Variants in USH2A observed in about 807,000 individuals in gnomAD.
USH2A encodes the protein usherin.
Under a neutral mutation model 538.9 loss-of-function variants are expected in USH2A, and 443 were observed. The observed-to-expected ratio is 0.82, with a 90% CI of 0.76 to 0.89. USH2A has a LOEUF of 0.89. Among genes scored for constraint, USH2A ranks in the 40% least tolerant of loss-of-function variants. The probability of loss-of-function intolerance (pLI) is 0.00; values close to 1 mark genes in which losing one functional copy is unlikely to be tolerated. For synonymous variants in USH2A, 2,413 were observed against 2,273.5 expected (o/e 1.06, Z -1.75); for missense variants, 6,633 against 6,324.8 (o/e 1.05, Z -1.65).
At chr1:215,804,137 G>A (rs1489048407) in intron 49 of USH2A, among the ~76,000 whole-genome samples, 1 of 152,174 alleles carries the variant, frequency 6.6e-6, no homozygotes, top group Non-Finnish European at 1.5e-5. Context: ...ATCAATTCAA[G>A]ATGGATCAAA....
At chr1:215,859,599 G>T (rs1435610904) in intron 44 of USH2A, among the ~76,000 whole-genome samples, 1 of 151,900 alleles carries the variant, frequency 6.6e-6, no homozygotes, top group Non-Finnish European at 1.5e-5. Flanking sequence ...TCATATACAT[G>T]GATTCTGCAC....
chr1:215,641,962 G>A (rs1218126242), intron 67 of USH2A, among the ~76,000 whole-genome samples: 1 of 152,034 alleles, frequency 6.6e-6, no homozygotes, highest in Non-Finnish European at 1.5e-5. Flanking sequence ...ATATCACAAG[G>A]AATACTCTAT....
intron 3 of USH2A, among the ~76,000 whole-genome samples, chr1:216,368,262 A>T (rs1200869934): frequency 6.6e-6 from 1 of 151,556 alleles, no homozygotes; most frequent in Non-Finnish European, 1.5e-5. Flanking sequence ...CTCATGCTAG[A>T]TTAGTGAGAA....
At chr1:215,760,041 A>G (rs1479966421) in intron 56 of USH2A, among the ~76,000 whole-genome samples, 198 bp from the exon 57 acceptor site, 3 of 152,180 alleles carry the variant, frequency 2.0e-5, no homozygotes, top group Non-Finnish European at 2.9e-5. Flanking sequence ...TTGCCTTTGG[A>G]AAGTGAATGT....
intron 61 of USH2A, among the ~76,000 whole-genome samples, chr1:215,697,527 A>G (rs940063230): frequency 3.3e-5 from 5 of 151,498 alleles, no homozygotes; most frequent in Non-Finnish European, 7.4e-5. Flanking sequence ...TTTTATTTAT[A>G]TTTTTTTTGT....
At chr1:215,640,764 A>T (rs1656653446) in intron 67 of USH2A, 30 bp from the exon 68 acceptor site, 2 of 1,611,650 alleles carry the variant, frequency 1.2e-6, no homozygotes, top group Admixed American at 1.7e-5. Flanking sequence ...TGTTCTAAAA[A>T]GGGTAACCTC....
Position 215,780,766 on chromosome 1 carries a change from G to A in USH2A, c.10741-725C>T, listed in dbSNP as rs529382707. ...TCTAGGACTAATAACTTTTGACTGG[G>A]CCAATCAGCTGCCATCTATCTATCT... On this transcript the variant is annotated intron_variant, in intron 54 of 71. Coordinates refer to ENST00000307340, the MANE Select transcript of USH2A (RefSeq NM_206933.4). 1.7e-4 allele frequency among the ~76,000 whole-genome samples: 26 copies of A among 152,310 alleles called. No homozygotes were observed. The South Asian group carries it at 2.9e-3, about 17-fold the overall frequency.
At chr1:215,710,962 A>C (rs1659323122) in intron 61 of USH2A, among the ~76,000 whole-genome samples, 1 of 151,972 alleles carries the variant, frequency 6.6e-6, no homozygotes, top group South Asian at 2.1e-4. Context: ...CAAGGCAAGC[A>C]ATCTACTAAC....
intron 68 of USH2A, among the ~76,000 whole-genome samples, chr1:215,639,568 A>G (rs1003380416): frequency 2.6e-5 from 4 of 152,204 alleles, no homozygotes; most frequent in African/African-American, 9.6e-5. Flanking sequence ...TAAAATTTAC[A>G]GGTGTACTTT....
chr1:216,075,688 A>G (rs960362548), intron 27 of USH2A, among the ~76,000 whole-genome samples: 1 of 152,188 alleles, frequency 6.6e-6, no homozygotes, highest in African/African-American at 2.4e-5. Context: ...AGACCCAGTC[A>G]TGCCCAACCT....
intron 64 of USH2A, among the ~76,000 whole-genome samples, chr1:215,659,340 G>T (rs1240093022): frequency 6.6e-6 from 1 of 152,208 alleles, no homozygotes; most frequent in Non-Finnish European, 1.5e-5. Context: ...AAGAAGGCCA[G>T]TGTGGCTGAC....
At position 216,111,864 on chromosome 1, in the gene USH2A, G is replaced by C. The variant is rs565995498; in HGVS notation, c.4628-14651C>G. 5.9e-5 allele frequency among the ~76,000 whole-genome samples: 9 copies of C among 151,464 alleles called. 1 individual carries two copies. The East Asian group carries it at 1.2e-3, about 20-fold the overall frequency. On this transcript the variant is annotated intron_variant, in intron 21 of 71. Transcript: ENST00000307340. ...GGTTTCATTATCAAATATCCCTTCA[G>C]CTTCATTCCTACTCAATCCAATTGC...
In USH2A at chr1:215,722,796, G is replaced by A. The variant is rs144717161; in HGVS notation, c.12066+5234C>T. 6.6e-4 allele frequency among the ~76,000 whole-genome samples: 100 copies of A among 152,282 alleles called. 1 individual carries two copies. The East Asian group carries it at 0.018, about 28-fold the overall frequency. On this transcript the variant is annotated intron_variant, in intron 61 of 71. Transcript: ENST00000307340. ...GATACTGGGCAAATGCATGATCTGG[G>A]CTTGACGTTTTATAACCCCGTGGAA... is the stretch of plus-strand genomic sequence containing the variant.
intron 3 of USH2A, among the ~76,000 whole-genome samples, chr1:216,399,813 C>T (rs571230477): frequency 6.6e-6 from 1 of 152,240 alleles, no homozygotes; most frequent in East Asian, 1.9e-4. Context: ...TTCACCCTAC[C>T]CATCTGCTGC....
In USH2A at chr1:215,798,923, C is replaced by G; in HGVS notation, c.9942G>C (p.Val3314=). The G allele has an allele frequency of 6.2e-7, 1 of 1,614,060 alleles. No individual in the cohort carries two copies. The highest frequency in any genetic ancestry group is 8.5e-7 in the Non-Finnish European group (1 of 1,179,984). Residue 3314 remains valine (V), a synonymous_variant, in exon 50 of 72, where the codon GTG becomes GTC. Transcript: ENST00000307340. Reference sequence around the variant, plus strand: ...GCCCCTTACCTGGAAGGCGATTGTACACCACTCCTTCTTCTCCACCACAAC... The same window carrying G: ...GCCCCTTACCTGGAAGGCGATTGTAGACCACTCCTTCTTCTCCACCACAAC... ...LECCGGEEGV[V]YNRLPGMFCC...
chr1:215,953,796 T>A (rs373922849), intron 37 of USH2A, among the ~76,000 whole-genome samples: 19,485 of 148,360 alleles, frequency 0.13, 1,518 homozygotes, highest in African/African-American at 0.19. Context: ...ATGGGAGAAA[T>A]TTTTTGCAAT....
Position 216,247,205 on chromosome 1 carries a change from T to C in USH2A, c.2189A>G (p.Asn730Ser), listed in dbSNP as rs1452633756. ...GCTTCGGAGAAATTTAAATCCAAAA[T>C]TGCAATGATCACACCTAAGCCCTAA... ...NVIGLRCDHCNFGFKFLRSFN... is the reference protein window; with the variant it reads ...NVIGLRCDHCSFGFKFLRSFN... The change falls in exon 13 of 72, where the codon AAT (asparagine) becomes AGT (serine). Residue 730 changes from asparagine (N) to serine (S), a missense_variant. Physicochemically the swap from Asn to Ser is conservative, Grantham distance 46. Transcript: ENST00000307340. The C allele has an allele frequency of 6.2e-7, 1 of 1,613,842 alleles. No individual in the cohort carries two copies. The highest frequency in any genetic ancestry group is 8.5e-7 in the Non-Finnish European group (1 of 1,179,876).
chr1:215,844,422 AAGG>A lies in USH2A; in HGVS notation c.9127_9129del (p.Pro3043del), dbSNP rs760448755. On this transcript the variant is annotated inframe_deletion, in exon 46 of 72. Transcript: ENST00000307340. ...TCAGTGACAACACCATTTGGGTTTG[AAGG>A]AGATGTCCAGATGACACGTACAGCT... is the stretch of plus-strand genomic sequence containing the variant. The A allele has an allele frequency of 5.0e-6, 8 of 1,613,452 alleles. No homozygotes were observed. Among genetic ancestry groups the A allele is most frequent in the Admixed American group, 3.3e-5 (2 of 59,914 alleles).
intron 35 of USH2A, among the ~76,000 whole-genome samples, chr1:215,975,690 C>A (rs1194669310): frequency 1.3e-5 from 2 of 151,990 alleles, no homozygotes; most frequent in Non-Finnish European, 2.9e-5. Flanking sequence ...GTTTTTGTAC[C>A]AGTATCATGT....
Sources: allele counts gnomAD v4.1 joint callset (sites outside exome capture counted in the v4.1 genomes callset), GRCh38; gene constraint gnomAD v4.1.1; transcripts MANE v1.5; gene names NCBI Gene and HGNC (gene_info 2026-07-23, HGNC 2026-07-21).